The following PTPN9 variants were observed in gnomAD, a reference collection of about 807,000 sequenced individuals.
PTPN9 encodes the protein tyrosine-protein phosphatase non-receptor type 9.
Under a neutral mutation model 69.8 loss-of-function variants are expected in PTPN9, and 26 were observed. The ratio of observed to expected loss-of-function variants is 0.37; its 90% CI spans 0.27 to 0.52. PTPN9 has a LOEUF of 0.52. Ranked by LOEUF, PTPN9 falls within the 20% of genes least tolerant of loss-of-function variation. The pLI is 0.91. For missense variants in PTPN9, 549 were observed against 740.3 expected (o/e 0.74, Z 3.00); for synonymous variants, 274 against 272.5 (o/e 1.01, Z -0.05).
At chr15:75,552,107 T>A (rs1595968361) in intron 1 of PTPN9, among the ~76,000 whole-genome samples, 1 of 149,850 alleles carries the variant, frequency 6.7e-6, no homozygotes, top group Admixed American at 6.6e-5. Context: ...GGTACAAAAG[T>A]GATAAGCACT....
chr15:75,555,979 CTA>C (rs990325724), intron 1 of PTPN9, among the ~76,000 whole-genome samples: 38 of 144,720 alleles, frequency 2.6e-4, no homozygotes, highest in African/African-American at 9.9e-4. Context: ...TGGCAGTGAG[CTA>C]TGACTGCACC....
chr15:75,577,162 T>C (rs532266626), intron 1 of PTPN9, among the ~76,000 whole-genome samples: 1 of 152,344 alleles, frequency 6.6e-6, no homozygotes, highest in South Asian at 2.1e-4. Flanking sequence ...GTAAAGCCAA[T>C]ACCATGTCAA....
At chr15:75,576,045 C>A (rs2141348193) in intron 1 of PTPN9, among the ~76,000 whole-genome samples, 1 of 148,976 alleles carries the variant, frequency 6.7e-6, no homozygotes, top group East Asian at 2.0e-4. Context: ...CATCCTCCAA[C>A]ATGGTGAAAC....
intron 9 of PTPN9, among the ~76,000 whole-genome samples, chr15:75,479,036 T>A (rs1267611661): frequency 6.6e-6 from 1 of 152,182 alleles, no homozygotes; most frequent in Non-Finnish European, 1.5e-5. Flanking sequence ...AGGCTGGGCA[T>A]GGTGGCTCAC....
chr15:75,478,139 G>A (rs980239145), intron 9 of PTPN9, among the ~76,000 whole-genome samples: 22 of 139,522 alleles, frequency 1.6e-4, no homozygotes, highest in Non-Finnish European at 1.5e-5. Context: ...ACGCCTGGCC[G>A]ATCCTCTTTT....
At chr15:75,471,146 A>G (rs2074562066) in intron 10 of PTPN9, among the ~76,000 whole-genome samples, 1 of 152,214 alleles carries the variant, frequency 6.6e-6, no homozygotes. Flanking sequence ...AGACAAAAAC[A>G]GTATAGTAGC....
At chr15:75,478,404 C>T (rs968762869) in intron 9 of PTPN9, among the ~76,000 whole-genome samples, 4 of 152,120 alleles carry the variant, frequency 2.6e-5, no homozygotes, top group Non-Finnish European at 5.9e-5. Context: ...TGTGACTGGC[C>T]CTTTAATTTA....
rs142532871 is a variant in PTPN9 at position 75,510,788 on chromosome 15, A to G, written c.529-1761T>C. 4.2e-4 allele frequency among the ~76,000 whole-genome samples: 64 copies of G among 152,280 alleles called. 1 individual carries two copies. Among genetic ancestry groups the G allele is most frequent in the African/African-American group, 1.5e-3 (62 of 41,542 alleles). ...ATTATTGGCGTTAAGTATGTTCACAATGCAGCCATCACCACTATTCATTTT... is the reference window on the plus strand; with the variant it reads ...ATTATTGGCGTTAAGTATGTTCACAGTGCAGCCATCACCACTATTCATTTT... On this transcript the variant is annotated intron_variant, in intron 5 of 12. Transcript: ENST00000618819.
In PTPN9 at chr15:75,466,193, C is replaced by T. The variant is rs958871398; in HGVS notation, c.*2576G>A. On this transcript the variant is annotated 3_prime_UTR_variant, in exon 13 of 13. Coordinates refer to ENST00000618819, the MANE Select transcript of PTPN9 (RefSeq NM_002833.4). ...CTGTCTCTCAATTTTTTTCTTCTGT[C>T]AATACCTACCTCAAAAGGTTGTTGA... The T allele has an allele frequency of 3.3e-5, 5 of 152,156 alleles. No homozygotes were observed. The highest frequency in any genetic ancestry group is 7.3e-5 in the Non-Finnish European group (5 of 68,034). 9.4% of individuals were successfully genotyped at this position (152,156 alleles called of 1,614,324 possible). A position where few individuals can be genotyped will look rare whatever the true frequency, so the allele number is the denominator to read the frequency against.
chr15:75,475,058 C>T (rs929430583), intron 9 of PTPN9, among the ~76,000 whole-genome samples: 7 of 152,180 alleles, frequency 4.6e-5, no homozygotes, highest in African/African-American at 1.7e-4. Context: ...TTTGATGGCA[C>T]AGCTGGATCT....
At chr15:75,502,819 A>G (rs536283945) in intron 7 of PTPN9, among the ~76,000 whole-genome samples, 47 of 152,274 alleles carry the variant, frequency 3.1e-4, no homozygotes, top group Non-Finnish European at 5.3e-4. Flanking sequence ...TTTTGAACCT[A>G]CTTTTTTTAA....
At chr15:75,530,199 CAA>C (rs1171614508) in intron 1 of PTPN9, among the ~76,000 whole-genome samples, 2 of 28,266 alleles carry the variant, frequency 7.1e-5, no homozygotes, top group East Asian at 8.2e-4. Context: ...GACTCCATCT[CAA>C]AAAAAAAAAA....
intron 2 of PTPN9, among the ~76,000 whole-genome samples, chr15:75,526,524 C>T (rs2074928460): frequency 6.6e-6 from 1 of 151,842 alleles, no homozygotes; most frequent in Non-Finnish European, 1.5e-5. Flanking sequence ...AGTGTTTTAT[C>T]AAAGACACTA....
intron 5 of PTPN9, 102 bp downstream of exon 5, chr15:75,517,157 G>GCATCTT: frequency 1.3e-6 from 1 of 784,202 alleles, no homozygotes; most frequent in South Asian, 2.0e-5. Flanking sequence ...TGAACATAAT[G>GCATCTT]TCTGAAGTTT....
At position 75,527,175 on chromosome 15, in the gene PTPN9, G is replaced by A. The variant is rs2074932405; in HGVS notation, c.150C>T (p.Phe50=). Residue 50 remains phenylalanine (F), a synonymous_variant, in exon 2 of 13, where the codon TTC becomes TTT. Transcript: ENST00000618819. ...SPLSWNVAVK[F]LMARKFDVLR... is the part of the protein sequence containing the mutation. ...GCACATCAAACTTCCTTGCCATGAG[G>A]AACTTGACAGCCACATTCCAAGACA... 1.1e-5 allele frequency: 18 copies of A among 1,614,028 alleles called. No individual in the cohort carries two copies. The highest frequency in any genetic ancestry group is 1.5e-5 in the Non-Finnish European group (18 of 1,180,042).
chr15:75,519,543 T>C (rs1262947343), intron 4 of PTPN9, among the ~76,000 whole-genome samples: 1 of 152,210 alleles, frequency 6.6e-6, no homozygotes, highest in African/African-American at 2.4e-5. Flanking sequence ...CTGAGGTACA[T>C]GAAAGTTTCT....
intron 1 of PTPN9, among the ~76,000 whole-genome samples, chr15:75,561,894 G>A (rs1243591171): frequency 1.3e-5 from 2 of 152,100 alleles, no homozygotes; most frequent in Non-Finnish European, 2.9e-5. Flanking sequence ...TGTTTAGTGA[G>A]ATGGGGTTTC....
intron 5 of PTPN9, among the ~76,000 whole-genome samples, chr15:75,514,917 T>C (rs2074861823): frequency 6.6e-6 from 1 of 152,188 alleles, no homozygotes; most frequent in African/African-American, 2.4e-5. Context: ...CTGGAGAGGA[T>C]GTAGATCAAT....
At position 75,468,341 on chromosome 15, in the gene PTPN9, G is replaced by A. The variant is rs975126508; in HGVS notation, c.*428C>T. On this transcript the variant is annotated 3_prime_UTR_variant, in exon 13 of 13. Coordinates refer to ENST00000618819, the MANE Select transcript of PTPN9 (RefSeq NM_002833.4). ...GGACGATCTCTAGAATATGTAACTT[G>A]GTCAAGCTCTCTGGGGAGAAAGGCA... The A allele has an allele frequency of 5.7e-6, 1 of 176,342 alleles. No homozygotes were observed. Among genetic ancestry groups the A allele is most frequent in the African/African-American group, 2.4e-5 (1 of 42,390 alleles). 10.9% of individuals were successfully genotyped at this position (176,342 alleles called of 1,614,324 possible). A position where few individuals can be genotyped will look rare whatever the true frequency, so the allele number is the denominator to read the frequency against.
Sources: gnomAD v4.1 joint callset for allele counts (sites outside exome capture counted in the v4.1 genomes callset) on GRCh38, gnomAD v4.1.1 for gene constraint, MANE v1.5 for transcripts, NCBI Gene and HGNC (gene_info 2026-07-23, HGNC 2026-07-21) for gene names.